The following TAFA5 variants were observed in gnomAD, a reference collection of about 807,000 sequenced individuals.
TAFA5 encodes the protein TAFA chemokine like family member 5, also known as chemokine-like protein TAFA-5.
In TAFA5, 6 loss-of-function variants were observed where a neutral mutation model predicts 15.3. The ratio of observed to expected loss-of-function variants is 0.39; its 90% CI spans 0.21 to 0.77. The LOEUF (loss-of-function observed/expected upper bound fraction) is 0.77, where lower values mean the gene tolerates loss of function less well. TAFA5 is among the 30% of genes least tolerant of loss of function. TAFA5 has a pLI of 0.41. For missense variants in TAFA5, 161 were observed against 193.1 expected (o/e 0.83, Z 0.98); for synonymous variants, 103 against 80.7 (o/e 1.28, Z -1.48).
chr22:48,663,252 G>A (rs1340163351), intron 2 of TAFA5, among the ~76,000 whole-genome samples: 9 of 152,192 alleles, frequency 5.9e-5, no homozygotes, highest in South Asian at 2.1e-4. Context: ...ACATGTCAAC[G>A]GGGTGCTGCT....
At chr22:48,608,944 C>T (rs949692686) in intron 1 of TAFA5, among the ~76,000 whole-genome samples, 1 of 152,242 alleles carries the variant, frequency 6.6e-6, no homozygotes, top group African/African-American at 2.4e-5. Context: ...ATCTGATGGA[C>T]CGTCAACTGG....
chr22:48,491,608 GC>G (rs1928156551), intron 1 of TAFA5, among the ~76,000 whole-genome samples: 3 of 152,256 alleles, frequency 2.0e-5, no homozygotes, highest in African/African-American at 7.2e-5. Context: ...CACTTCCCGA[GC>G]CCGCGAGGAG....
At chr22:48,652,110 C>T (rs1601644580) in intron 2 of TAFA5, among the ~76,000 whole-genome samples, 1 of 152,258 alleles carries the variant, frequency 6.6e-6, no homozygotes, top group Non-Finnish European at 1.5e-5. Context: ...CACAGCGCGT[C>T]ATCTCCACCT....
chr22:48,692,635 C>T (rs190160344), intron 2 of TAFA5, among the ~76,000 whole-genome samples: 6 of 152,296 alleles, frequency 3.9e-5, no homozygotes, highest in Admixed American at 3.3e-4. Flanking sequence ...TGAAATGAAT[C>T]CCATAAATGA....
Position 48,751,050 on chromosome 22 carries a change from C to A in TAFA5, c.*1203C>A, listed in dbSNP as rs1320093300. On this transcript the variant is annotated 3_prime_UTR_variant, in exon 4 of 4. Coordinates refer to ENST00000402357, the MANE Select transcript of TAFA5 (RefSeq NM_001082967.3). ...GCGGAGGACCGTGGCGTCGGCGTCC[C>A]GGATGTGTCGGTCGTGCCCGGGGAG... The A allele has an allele frequency of 6.6e-6, 1 of 152,310 alleles. No homozygotes were observed. The highest frequency in any genetic ancestry group is 1.5e-5 in the Non-Finnish European group (1 of 68,058). 9.4% of individuals were successfully genotyped at this position (152,310 alleles called of 1,614,324 possible). A position where few individuals can be genotyped will look rare whatever the true frequency, so the allele number is the denominator to read the frequency against.
chr22:48,697,186 G>T (rs1312509437), intron 2 of TAFA5, among the ~76,000 whole-genome samples: 1 of 152,176 alleles, frequency 6.6e-6, no homozygotes, highest in Non-Finnish European at 1.5e-5. Flanking sequence ...ATCCCTCTCT[G>T]AACCCCAGCA....
intron 2 of TAFA5, among the ~76,000 whole-genome samples, chr22:48,701,698 G>A (rs546421041): frequency 2.6e-5 from 4 of 152,280 alleles, no homozygotes; most frequent in Non-Finnish European, 5.9e-5. Flanking sequence ...GCCAGGCCCC[G>A]CCCACATCTC....
At chr22:48,525,846 G>A (rs548291902) in intron 1 of TAFA5, among the ~76,000 whole-genome samples, 31 of 152,204 alleles carry the variant, frequency 2.0e-4, no homozygotes, top group East Asian at 1.7e-3. Context: ...TCCTGAGGTC[G>A]CCCCTGCAGA....
intron 1 of TAFA5, among the ~76,000 whole-genome samples, chr22:48,522,637 G>C (rs562413080): frequency 6.6e-6 from 1 of 152,186 alleles, no homozygotes; most frequent in African/African-American, 2.4e-5. Flanking sequence ...CCTCTCATCC[G>C]CCCCTGGGAG....
At chr22:48,572,258 T>C (rs761793) in intron 1 of TAFA5, among the ~76,000 whole-genome samples, 34,224 of 152,126 alleles carry the variant, frequency 0.22, 4,188 homozygotes, top group East Asian at 0.46. Flanking sequence ...TTGAAGTGTG[T>C]GTAGTGACCG....
chr22:48,520,430 T>A (rs367583121), intron 1 of TAFA5, among the ~76,000 whole-genome samples: 2 of 152,212 alleles, frequency 1.3e-5, no homozygotes, highest in East Asian at 3.9e-4. Flanking sequence ...CCAAGGCTGT[T>A]CCAACACCCA....
chr22:48,547,580 G>A (rs1304846166), intron 1 of TAFA5, among the ~76,000 whole-genome samples: 4 of 152,198 alleles, frequency 2.6e-5, no homozygotes, highest in African/African-American at 9.7e-5. Context: ...TGACAGTAAT[G>A]GGGAGAGCCG....
chr22:48,618,117 G>T (rs1302675969), intron 1 of TAFA5, among the ~76,000 whole-genome samples: 1 of 152,180 alleles, frequency 6.6e-6, no homozygotes, highest in African/African-American at 2.4e-5. Context: ...TTTTAGAGAG[G>T]TTGTTTCTGC....
At chr22:48,551,234 C>T (rs2147126411) in intron 1 of TAFA5, among the ~76,000 whole-genome samples, 1 of 152,220 alleles carries the variant, frequency 6.6e-6, no homozygotes, top group African/African-American at 2.4e-5. Context: ...CAAGGCTGGG[C>T]CTGCAGCACC....
At chr22:48,670,051 C>T (rs1462356125) in intron 2 of TAFA5, among the ~76,000 whole-genome samples, 1 of 152,206 alleles carries the variant, frequency 6.6e-6, no homozygotes, top group Non-Finnish European at 1.5e-5. Flanking sequence ...CGAATCCCTC[C>T]TGCGGAAAGA....
chr22:48,573,125 T>C lies in TAFA5; in HGVS notation c.113-73472T>C, dbSNP rs377758629. ...CCTTAAAGCAGCAGTTTGCAGGGGT[T>C]TGGGGGAAGACACACCCACCCGGCA... On this transcript the variant is annotated intron_variant, in intron 1 of 3. Transcript: ENST00000402357. Among the ~76,000 whole-genome samples, 61 of 152,264 alleles carry C rather than the reference T, an allele frequency of 4.0e-4. 1 individual carries two copies. In the South Asian group the frequency reaches 0.012, roughly 30 times the overall value.
intron 1 of TAFA5, among the ~76,000 whole-genome samples, chr22:48,630,640 C>T (rs1201796126): frequency 2.0e-5 from 3 of 152,148 alleles, no homozygotes; most frequent in Non-Finnish European, 2.9e-5. Context: ...GCAGTGAGTG[C>T]CGCTTCCAGA....
intron 1 of TAFA5, chr22:48,547,332 T>G (rs1311056437): frequency 6.6e-6 from 1 of 152,214 alleles, no homozygotes; most frequent in Non-Finnish European, 1.5e-5. Flanking sequence ...TGGAGGGGAA[T>G]GTTGCTTTGG....
chr22:48,684,005 A>T (rs529357336), intron 2 of TAFA5, among the ~76,000 whole-genome samples: 1 of 152,038 alleles, frequency 6.6e-6, no homozygotes, highest in African/African-American at 2.4e-5. Flanking sequence ...AGTCAGTTAA[A>T]CTTTTTTTTC....
Sources: allele counts gnomAD v4.1 joint callset (sites outside exome capture counted in the v4.1 genomes callset), GRCh38; gene constraint gnomAD v4.1.1; transcripts MANE v1.5; gene names NCBI Gene and HGNC (gene_info 2026-07-23, HGNC 2026-07-21).